The following PCDH9 variants were observed in gnomAD, a reference collection of about 807,000 sequenced individuals.
PCDH9 encodes protocadherin 9, also known as protocadherin-9.
PCDH9 carries 24 observed loss-of-function variants against 70.6 expected under a neutral mutation model. That is an observed-to-expected ratio of 0.34 (90% confidence interval 0.25 to 0.48). PCDH9 has a LOEUF of 0.48. Among genes scored for constraint, PCDH9 ranks in the 20% least tolerant of loss-of-function variants. The probability of loss-of-function intolerance (pLI) is 0.99; values close to 1 mark genes in which losing one functional copy is unlikely to be tolerated. For synonymous variants in PCDH9, 562 were observed against 558.5 expected (o/e 1.01, Z -0.09); for missense variants, 1,281 against 1,503.6 (o/e 0.85, Z 2.45).
chr13:67,102,186 T>C (rs1367858075), intron 2 of PCDH9, among the ~76,000 whole-genome samples: 3 of 152,292 alleles, frequency 2.0e-5, no homozygotes, highest in East Asian at 1.9e-4. Context: ...TTTTGCACAG[T>C]ACAATAGTGA....
chr13:66,594,994 A>G, intron 4 of PCDH9, among the ~76,000 whole-genome samples: 1 of 151,206 alleles, frequency 6.6e-6, no homozygotes, highest in South Asian at 2.1e-4. Context: ...TTTACTCAAA[A>G]AAAAAAAAAA....
At chr13:66,592,591 C>T (rs1051885401) in intron 4 of PCDH9, among the ~76,000 whole-genome samples, 4 of 151,718 alleles carry the variant, frequency 2.6e-5, no homozygotes, top group Admixed American at 6.6e-5. Context: ...GTAGAAGAAA[C>T]ATTCCATGAA....
chr13:66,646,043 G>T (rs1004108165), intron 3 of PCDH9, among the ~76,000 whole-genome samples: 1 of 152,066 alleles, frequency 6.6e-6, no homozygotes, highest in Non-Finnish European at 1.5e-5. Flanking sequence ...TACAAAAGCC[G>T]CCTCTTGTCA....
chr13:67,226,935 T>G lies in PCDH9; in HGVS notation c.1506A>C (p.Ala502=). 6.2e-7 allele frequency: 1 copy of G among 1,614,224 alleles called. No homozygotes were observed. Among genetic ancestry groups the G allele is most frequent in the Non-Finnish European group, 8.5e-7 (1 of 1,180,038 alleles). ...TCGGTCCAAGCTGATAAACAATGTC[T>G]GCATTTTTCCCACTGTCTTCATCTG... ...SATDEDSGKN[A]DIVYQLGPNA... Residue 502 remains alanine (A), a synonymous_variant, in exon 2 of 5, where the codon GCA becomes GCC. Coordinates refer to ENST00000377865, the MANE Select transcript of PCDH9 (RefSeq NM_203487.3). The surrounding 1 kb of genome is among the most constrained non-coding windows in gnomAD (Gnocchi z 5.0).
chr13:67,102,603 A>T (rs1273898967), intron 2 of PCDH9, among the ~76,000 whole-genome samples: 4 of 152,188 alleles, frequency 2.6e-5, no homozygotes, highest in African/African-American at 9.6e-5. Flanking sequence ...AGTAAAACAC[A>T]CATTCAGTTG....
At chr13:66,668,425 C>G (rs2078126159) in intron 3 of PCDH9, among the ~76,000 whole-genome samples, 1 of 152,150 alleles carries the variant, frequency 6.6e-6, no homozygotes, top group African/African-American at 2.4e-5. Flanking sequence ...AATGTCACAT[C>G]TTTGATGGCA....
intron 2 of PCDH9, among the ~76,000 whole-genome samples, chr13:67,189,573 A>G (rs1469631508): frequency 6.6e-6 from 1 of 152,102 alleles, no homozygotes; most frequent in Non-Finnish European, 1.5e-5. Flanking sequence ...ACTGCGAGTA[A>G]AGAAACCTGC....
chr13:67,074,773 A>G (rs555553035), intron 2 of PCDH9, among the ~76,000 whole-genome samples: 1 of 152,300 alleles, frequency 6.6e-6, no homozygotes, highest in African/African-American at 2.4e-5. Flanking sequence ...CTCTAACCAA[A>G]CAAGAATTAT....
intron 2 of PCDH9, among the ~76,000 whole-genome samples, chr13:67,179,478 A>G (rs1039161324): frequency 5.3e-5 from 8 of 152,126 alleles, no homozygotes; most frequent in East Asian, 3.9e-4. Context: ...CTCAATGACT[A>G]TGAAGTGCAT....
intron 2 of PCDH9, among the ~76,000 whole-genome samples, chr13:66,932,659 C>CATATATATATATATAT (rs199791250): frequency 0.016 from 2,037 of 130,032 alleles, 22 homozygotes; most frequent in African/African-American, 0.021. Flanking sequence ...TAAATCCTCA[C>CATATATATATATATAT]ATATATATAT....
chr13:66,708,897 G>A (rs998753951), intron 3 of PCDH9, among the ~76,000 whole-genome samples: 2 of 152,254 alleles, frequency 1.3e-5, no homozygotes, highest in South Asian at 4.1e-4. Context: ...ATCTTCAGAG[G>A]TCTGGTTTAG....
intron 2 of PCDH9, among the ~76,000 whole-genome samples, chr13:67,130,996 A>G (rs1004863606): frequency 6.6e-6 from 1 of 152,170 alleles, no homozygotes; most frequent in Non-Finnish European, 1.5e-5. Context: ...TACATACTCT[A>G]ATGCCCTTTT....
chr13:66,996,795 A>G (rs2084126372), intron 2 of PCDH9, among the ~76,000 whole-genome samples: 1 of 152,220 alleles, frequency 6.6e-6, no homozygotes, highest in East Asian at 1.9e-4. Context: ...AGAATCGTAA[A>G]AGAAAAAGCT....
intron 2 of PCDH9, among the ~76,000 whole-genome samples, chr13:67,184,739 C>A (rs566996095): frequency 6.6e-6 from 1 of 152,040 alleles, no homozygotes; most frequent in South Asian, 2.1e-4. Context: ...TAAAAACCAA[C>A]CAACAAACAA....
At chr13:66,556,007 T>A (rs1961725015) in intron 4 of PCDH9, among the ~76,000 whole-genome samples, 1 of 148,754 alleles carries the variant, frequency 6.7e-6, no homozygotes, top group African/African-American at 2.5e-5. Context: ...TCTTTATTTC[T>A]ACTGAAAGAC....
intron 4 of PCDH9, among the ~76,000 whole-genome samples, chr13:66,405,693 G>A (rs1319751855): frequency 6.6e-6 from 1 of 152,118 alleles, no homozygotes; most frequent in African/African-American, 2.4e-5. Context: ...AAAAGGAAAG[G>A]TGTATGTGTC....
intron 2 of PCDH9, among the ~76,000 whole-genome samples, chr13:67,025,128 T>C (rs2084754392): frequency 6.6e-6 from 1 of 152,150 alleles, no homozygotes; most frequent in South Asian, 2.1e-4. Flanking sequence ...AATAAATATG[T>C]GTGTGCATGT....
intron 3 of PCDH9, among the ~76,000 whole-genome samples, chr13:66,807,433 A>G (rs2080428162): frequency 6.6e-6 from 1 of 152,212 alleles, no homozygotes; most frequent in African/African-American, 2.4e-5. Flanking sequence ...AAATAAAAAC[A>G]AATATTATGG....
intron 3 of PCDH9, among the ~76,000 whole-genome samples, chr13:66,774,720 A>G (rs1226769230): frequency 1.3e-5 from 2 of 152,194 alleles, no homozygotes; most frequent in Non-Finnish European, 2.9e-5. Flanking sequence ...TCACCTAAGC[A>G]TTAAAGTGGC....
Sources: allele counts gnomAD v4.1 joint callset (sites outside exome capture counted in the v4.1 genomes callset), GRCh38; gene constraint gnomAD v4.1.1; non-coding constraint Gnocchi (gnomAD v3.1); transcripts MANE v1.5; gene names NCBI Gene and HGNC (gene_info 2026-07-23, HGNC 2026-07-21).